The following SKAP1 variants were observed in gnomAD, a reference collection of about 807,000 sequenced individuals.
SKAP1 encodes the protein src kinase-associated phosphoprotein 1.
In SKAP1, 44 loss-of-function variants were observed where a neutral mutation model predicts 58.5. That is an observed-to-expected ratio of 0.75 (90% CI 0.59 to 0.97). The LOEUF is 0.97. Ranked by LOEUF, SKAP1 falls within the 50% of genes least tolerant of loss-of-function variation. The pLI, the probability that SKAP1 is intolerant of heterozygous loss-of-function variation, is 0.00. For synonymous variants in SKAP1, 127 were observed against 149.7 expected (o/e 0.85, Z 1.11); for missense variants, 390 against 435.2 (o/e 0.90, Z 0.92).
intron 2 of SKAP1, among the ~76,000 whole-genome samples, chr17:48,366,452 AG>A (rs2067003288): frequency 7.2e-6 from 1 of 138,538 alleles, no homozygotes; most frequent in South Asian, 2.5e-4. Flanking sequence ...GGGGAGAGGA[AG>A]GGGCAGAGGA....
chr17:48,325,601 C>G lies in SKAP1; in HGVS notation c.280+20304G>C, dbSNP rs138466090. ...CCCTGTTTTCCTAAAGAAAATGCTC[C>G]AAGCTGGTTTATGGATTTCAATTTC... On this transcript the variant is annotated intron_variant, in intron 4 of 12. Transcript: ENST00000336915. Among the ~76,000 whole-genome samples, 199 of 152,222 alleles carry G rather than the reference C, an allele frequency of 1.3e-3. 1 individual carries two copies. The highest frequency in any genetic ancestry group is 4.5e-3 in the African/African-American group (185 of 41,540).
At chr17:48,415,547 T>C (rs1598678303) in intron 1 of SKAP1, among the ~76,000 whole-genome samples, 1 of 152,098 alleles carries the variant, frequency 6.6e-6, no homozygotes, top group South Asian at 2.1e-4. Context: ...CATAGCCCTC[T>C]AAGCCTGTTG....
intron 4 of SKAP1, among the ~76,000 whole-genome samples, chr17:48,316,019 G>A (rs1046943905): frequency 3.3e-5 from 5 of 151,932 alleles, no homozygotes; most frequent in Admixed American, 2.6e-4. Flanking sequence ...TCCTCCCATC[G>A]CCTATGGATC....
At chr17:48,183,219 A>C (rs2064393894) in intron 7 of SKAP1, among the ~76,000 whole-genome samples, 1 of 152,226 alleles carries the variant, frequency 6.6e-6, no homozygotes, top group Non-Finnish European at 1.5e-5. Flanking sequence ...ATCTGGAGGC[A>C]GAAGACCAAC....
At position 48,295,245 on chromosome 17, in the gene SKAP1, C is replaced by T. The variant is rs543411696; in HGVS notation, c.280+50660G>A. Reference sequence around the variant, plus strand: ...CAGCACTGCTTTCTGATTCCATAGACGTCTAAATCTGGAAGTGACAGTGCA... The same window carrying T: ...CAGCACTGCTTTCTGATTCCATAGATGTCTAAATCTGGAAGTGACAGTGCA... On this transcript the variant is annotated intron_variant, in intron 4 of 12. Transcript: ENST00000336915. 2.6e-5 allele frequency among the ~76,000 whole-genome samples: 4 copies of T among 152,210 alleles called. No homozygotes were observed. In the South Asian group the frequency reaches 8.3e-4, roughly 32 times the overall value.
chr17:48,392,855 C>CAAA (rs71366868), intron 2 of SKAP1, among the ~76,000 whole-genome samples: 8 of 140,262 alleles, frequency 5.7e-5, no homozygotes, highest in African/African-American at 2.2e-4. Context: ...GACTCGGTCT[C>CAAA]AAAAAAAATA....
chr17:48,198,982 G>T lies in SKAP1; in HGVS notation c.281-9482C>A, dbSNP rs904958533. Among the ~76,000 whole-genome samples, 7 of 152,184 alleles carry T rather than the reference G, an allele frequency of 4.6e-5. No individual in the cohort carries two copies. In the East Asian group the frequency reaches 1.3e-3, roughly 29 times the overall value. ...CATTGTCTTTTTACAAACCTTGCAA[G>T]ATCGACGTATTCCCCCTGAGTCAGA... is the stretch of plus-strand genomic sequence containing the variant. On this transcript the variant is annotated intron_variant, in intron 4 of 12. Transcript: ENST00000336915.
intron 4 of SKAP1, among the ~76,000 whole-genome samples, chr17:48,341,600 A>G (rs1480857173): frequency 6.6e-6 from 1 of 152,222 alleles, no homozygotes; most frequent in African/African-American, 2.4e-5. Context: ...AATAGCTACT[A>G]TTGGTACTTT....
intron 4 of SKAP1, among the ~76,000 whole-genome samples, chr17:48,342,217 T>C (rs2066662656): frequency 6.6e-6 from 1 of 152,216 alleles, no homozygotes; most frequent in Admixed American, 6.5e-5. Context: ...AATCTAAATG[T>C]TATTACTTGT....
intron 1 of SKAP1, among the ~76,000 whole-genome samples, chr17:48,407,370 G>A (rs1487415093): frequency 6.6e-6 from 1 of 152,178 alleles, no homozygotes; most frequent in Non-Finnish European, 1.5e-5. Context: ...CAGAACAATG[G>A]TTTTCTAACA....
chr17:48,266,076 T>C (rs1359235819), intron 4 of SKAP1, among the ~76,000 whole-genome samples: 1 of 152,134 alleles, frequency 6.6e-6, no homozygotes, highest in Non-Finnish European at 1.5e-5. Context: ...TGTATGATTA[T>C]TAACCTGTGA....
At chr17:48,148,208 A>G (rs560981506) in intron 11 of SKAP1, among the ~76,000 whole-genome samples, 1 of 152,296 alleles carries the variant, frequency 6.6e-6, no homozygotes, top group East Asian at 1.9e-4. Flanking sequence ...AATGTGTGCA[A>G]AACACAGAGT....
chr17:48,415,508 G>A (rs960084069), intron 1 of SKAP1, among the ~76,000 whole-genome samples: 5 of 151,746 alleles, frequency 3.3e-5, no homozygotes, highest in African/African-American at 1.2e-4. Context: ...ATCATCCCTC[G>A]TCCCATCCCC....
the SKAP1 span, among the ~76,000 whole-genome samples, chr17:48,437,398 A>G: frequency 6.6e-6 from 1 of 152,156 alleles, no homozygotes; most frequent in African/African-American, 2.4e-5. Context: ...TTACAGGGTT[A>G]TTATGAAGGT....
At chr17:48,201,250 TTC>T (rs576443817) in intron 4 of SKAP1, among the ~76,000 whole-genome samples, 4 of 150,810 alleles carry the variant, frequency 2.7e-5, no homozygotes, top group East Asian at 1.9e-4. Context: ...AGAAATAAAT[TTC>T]TCTCTCTCTC....
chr17:48,422,705 C>CT (rs2067809770), intron 1 of SKAP1, among the ~76,000 whole-genome samples: 1 of 152,076 alleles, frequency 6.6e-6, no homozygotes, highest in African/African-American at 2.4e-5. Context: ...AAGACAATGC[C>CT]TCCTTCTGAA....
In SKAP1 at chr17:48,405,393, C is replaced by A. The variant is rs182830066; in HGVS notation, c.47-8608G>T. Among the ~76,000 whole-genome samples the A allele has an allele frequency of 3.4e-3, 103 of 30,580 alleles. 1 individual carries two copies. The highest frequency in any genetic ancestry group is 0.013 in the African/African-American group (97 of 7,418). The allele number at this position is 30,580 out of a possible 152,430, so 20.1% of individuals were successfully genotyped here. The stretch of plus-strand genomic sequence containing the variant: ...GGTGCATTTTCTTTTTTTCTCTTTC[C>A]TTTCTTTCTTTCTTTCTTTCTTTCT... On this transcript the variant is annotated intron_variant, in intron 1 of 12. Coordinates refer to ENST00000336915, the MANE Select transcript of SKAP1 (RefSeq NM_003726.4).
chr17:48,188,057 T>A, intron 5 of SKAP1, 131 bp from the exon 6 acceptor site: 1 of 660,086 alleles, frequency 1.5e-6, no homozygotes, highest in Non-Finnish European at 2.6e-6. Context: ...AAAACCCTCC[T>A]TTTCACTCCC....
intron 11 of SKAP1, among the ~76,000 whole-genome samples, chr17:48,159,727 T>G (rs1160808358): frequency 6.6e-6 from 1 of 152,204 alleles, no homozygotes; most frequent in Non-Finnish European, 1.5e-5. Flanking sequence ...CTGTTTGAAT[T>G]TGTTCATTTG....
Sources: allele counts gnomAD v4.1 joint callset (sites outside exome capture counted in the v4.1 genomes callset), GRCh38; gene constraint gnomAD v4.1.1; transcripts MANE v1.5; gene names NCBI Gene and HGNC (gene_info 2026-07-23, HGNC 2026-07-21).